Variants in CD3G observed in about 807,000 individuals in gnomAD.
The protein encoded by CD3G is CD3 gamma subunit of T-cell receptor complex.
In CD3G, 24 loss-of-function variants were observed where a neutral mutation model predicts 28.3. The ratio of observed to expected loss-of-function variants is 0.85; its 90% CI spans 0.61 to 1.19. CD3G has a LOEUF of 1.19. CD3G is among the 50% of genes most tolerant of loss of function. CD3G has a pLI of 0.00. For missense variants in CD3G, 211 were observed against 210.0 expected (o/e 1.00, Z -0.03); for synonymous variants, 71 against 75.9 (o/e 0.93, Z 0.34).
rs200107110 is a variant in CD3G at position 118,344,496 on chromosome 11, G to T, written c.55+18G>T. The T allele has an allele frequency of 3.2e-6, 5 of 1,556,690 alleles. No homozygotes were observed. Among genetic ancestry groups the T allele is most frequent in the Non-Finnish European group, 4.4e-6 (5 of 1,148,322 alleles). On this transcript the variant is annotated intron_variant, in intron 1 of 6. Coordinates refer to ENST00000532917, the MANE Select transcript of CD3G (RefSeq NM_000073.3). ...TCTTCAAGGTAAGGGCCTACTAGGG[G>T]TCTGGAAGCCTGGGGAAGGGCTCAA...
At chr11:118,344,794 T>C (rs1157101051) in intron 1 of CD3G, among the ~76,000 whole-genome samples, 1 of 152,174 alleles carries the variant, frequency 6.6e-6, no homozygotes, top group Admixed American at 6.5e-5. Context: ...AAGGAAAAAG[T>C]ATATGTTCCC....
chr11:118,348,603 C>T (rs1279526785), intron 1 of CD3G, among the ~76,000 whole-genome samples: 3 of 152,098 alleles, frequency 2.0e-5, no homozygotes, highest in African/African-American at 7.2e-5. Context: ...AATCATTGGC[C>T]GCTTGACTGA....
chr11:118,344,758 CAA>C (rs577221946), intron 1 of CD3G, among the ~76,000 whole-genome samples: 60 of 152,288 alleles, frequency 3.9e-4, no homozygotes, highest in Non-Finnish European at 7.1e-4. Flanking sequence ...GAATGCAGCC[CAA>C]AAGGGCATAG....
chr11:118,347,150 T>A (rs560764472), intron 1 of CD3G, among the ~76,000 whole-genome samples: 1 of 152,284 alleles, frequency 6.6e-6, no homozygotes, highest in South Asian at 2.1e-4. Flanking sequence ...CCTCTCCCTA[T>A]CACACACACT....
rs1415147588 is a variant in CD3G at position 118,349,791 on chromosome 11, T to C, written c.128T>C (p.Leu43Pro). The change falls in exon 3 of 7, where the codon CTT becomes CCT. Residue 43 changes from leucine to proline, a missense_variant. Physicochemically the swap from Leu to Pro is moderately conservative, Grantham distance 98 (BLOSUM62 -3). Coordinates refer to ENST00000532917, the MANE Select transcript of CD3G (RefSeq NM_000073.3). Reference protein sequence around the residue: ...VYDYQEDGSVLLTCDAEAKNI... With the variant: ...VYDYQEDGSVPLTCDAEAKNI... ...GACTATCAAGAAGATGGTTCGGTAC[T>C]TCTGACTTGTGATGCAGAAGCCAAA... The C allele has an allele frequency of 7.4e-6, 12 of 1,614,054 alleles. No homozygotes were observed. The highest frequency in any genetic ancestry group is 3.3e-4 in the Middle Eastern group (2 of 6,084).
intron 1 of CD3G, among the ~76,000 whole-genome samples, chr11:118,345,686 G>C (rs1243581344): frequency 6.6e-6 from 1 of 152,184 alleles, no homozygotes; most frequent in African/African-American, 2.4e-5. Flanking sequence ...ACAGAGTCAA[G>C]AGTGGGGTCA....
In CD3G at chr11:118,344,397, C is replaced by T. The variant is rs1011444458; in HGVS notation, c.-27C>T. The T allele has an allele frequency of 1.3e-5, 20 of 1,556,590 alleles. No individual in the cohort carries two copies. The highest frequency in any genetic ancestry group is 4.8e-5 in the East Asian group (2 of 41,800). On this transcript the variant is annotated 5_prime_UTR_variant, in exon 1 of 7. In the 5' UTR this introduces an upstream ATG that the reference lacks. Transcript: ENST00000532917. ...TGGCTGGCTGCTAAGGGCTGCTCCACGCTTTTGCCGGAGGACAGAGACTGA... is the reference window on the plus strand; with the variant it reads ...TGGCTGGCTGCTAAGGGCTGCTCCATGCTTTTGCCGGAGGACAGAGACTGA...
chr11:118,350,030 A>G, intron 3 of CD3G, 60 bp downstream of exon 3: 1 of 1,353,562 alleles, frequency 7.4e-7, no homozygotes, highest in South Asian at 1.2e-5. Context: ...TGTTCTGGTG[A>G]GCTTTTTATC....
At chr11:118,351,715 G>A (rs768545630) in intron 5 of CD3G, 44 bp downstream of exon 5, 7 of 1,590,146 alleles carry the variant, frequency 4.4e-6, no homozygotes, top group South Asian at 1.1e-5. Flanking sequence ...TAATTAGTGG[G>A]GGTAAATCTT....
chr11:118,350,846 T>C, intron 4 of CD3G, 163 bp downstream of exon 4: 1 of 1,440,416 alleles, frequency 6.9e-7, no homozygotes, highest in South Asian at 1.3e-5. Flanking sequence ...TACTTGGTGT[T>C]ATCACAGCAT....
At chr11:118,351,945 G>T (rs1470376510) in intron 5 of CD3G, among the ~76,000 whole-genome samples, 1 of 152,172 alleles carries the variant, frequency 6.6e-6, no homozygotes, top group Admixed American at 6.6e-5. Context: ...ACAGGCCATG[G>T]CTCATGCCTG....
At chr11:118,348,947 C>T (rs189483418) in intron 1 of CD3G, 80 bp from the exon 2 acceptor site, 419 of 1,513,012 alleles carry the variant, frequency 2.8e-4, no homozygotes, top group Non-Finnish European at 2.8e-4. Context: ...ATCTTGGCCT[C>T]AAATAACCAT....
chr11:118,349,305 T>C (rs1252865738), intron 2 of CD3G: 1 of 1,414,156 alleles, frequency 7.1e-7, no homozygotes, highest in African/African-American at 1.4e-5. Flanking sequence ...TCTCAAACTG[T>C]GACCCATGAA....
rs1948424562 is a variant in CD3G at position 118,353,219 on chromosome 11, C to T, written c.*119C>T. 1.3e-5 allele frequency: 2 copies of T among 151,952 alleles called. No homozygotes were observed. 9.4% of individuals were successfully genotyped at this position (151,952 alleles called of 1,614,324 possible). A position where few individuals can be genotyped will look rare whatever the true frequency, so the allele number is the denominator to read the frequency against. On this transcript the variant is annotated 3_prime_UTR_variant, in exon 7 of 7. Transcript: ENST00000532917. ...CAGCCCTAAATCTAGACTCAAGGTT[C>T]CCAGAGATGACAAATGGAGAAGAAA...
rs777518839 is a variant in CD3G, at chr11:118,349,882, T to C, written c.219T>C (p.Asn73=). Residue 73 remains asparagine, a synonymous_variant, in exon 3 of 7, where the codon AAT becomes AAC. Transcript: ENST00000532917. ...GFLTEDKKKW[N]LGSNAKDPRG... is the part of the protein sequence containing the mutation. ...TAACTGAAGATAAAAAAAAATGGAA[T>C]CTGGGAAGTAATGCCAAGGACCCTC... The C allele has an allele frequency of 9.9e-6, 16 of 1,614,028 alleles. No homozygotes were observed. The highest frequency in any genetic ancestry group is 1.2e-5 in the Non-Finnish European group (14 of 1,179,994).
In CD3G at chr11:118,350,533, T is replaced by C. The variant is rs1316862207; in HGVS notation, c.308-19T>C. ...ACAACTTTCGCAACCTGAAGGTTTG[T>C]CTCTCCTTTTCCCTACAGTGTGTCA... On this transcript the variant is annotated intron_variant, in intron 3 of 6. Coordinates refer to ENST00000532917, the MANE Select transcript of CD3G (RefSeq NM_000073.3). 1 of 1,590,488 alleles carries C rather than the reference T, an allele frequency of 6.3e-7. No homozygotes were observed. The highest frequency in any genetic ancestry group is 8.6e-7 in the Non-Finnish European group (1 of 1,158,912).
At chr11:118,347,488 C>A (rs1028902704) in intron 1 of CD3G, among the ~76,000 whole-genome samples, 8 of 152,080 alleles carry the variant, frequency 5.3e-5, no homozygotes, top group African/African-American at 1.9e-4. Context: ...GCACTCTTTT[C>A]TTTCATAATA....
Position 118,349,611 on chromosome 11 carries a change from A to G in CD3G, c.80-132A>G, listed in dbSNP as rs915804743. On this transcript the variant is annotated intron_variant, in intron 2 of 6. Coordinates refer to ENST00000532917, the MANE Select transcript of CD3G (RefSeq NM_000073.3). ...CTACTAAATAGCACCTGAAATTTTA[A>G]CAAGATCCCCATGTGATTCATGTGC... The G allele has an allele frequency of 1.9e-5, 15 of 781,828 alleles. 1 individual carries two copies. In the Admixed American group the frequency reaches 3.0e-4, roughly 15 times the overall value. 48.4% of individuals were successfully genotyped at this position (781,828 alleles called of 1,614,324 possible).
At chr11:118,352,757 T>C (rs1443768880) in intron 6 of CD3G, among the ~76,000 whole-genome samples, 1 of 152,144 alleles carries the variant, frequency 6.6e-6, no homozygotes, top group Non-Finnish European at 1.5e-5. Context: ...TTAACCTACA[T>C]TTGAATTTCT....
Sources: gnomAD v4.1 joint callset for allele counts (sites outside exome capture counted in the v4.1 genomes callset) on GRCh38, gnomAD v4.1.1 for gene constraint, MANE v1.5 for transcripts, NCBI Gene and HGNC (gene_info 2026-07-23, HGNC 2026-07-21) for gene names.